CNBD1: variants seen among roughly 807,000 people sequenced by gnomAD.
CNBD1 encodes the protein cyclic nucleotide binding domain containing 1.
A neutral mutation model predicts 54.4 loss-of-function variants in CNBD1; 71 were observed. The ratio of observed to expected loss-of-function variants is 1.30; its 90% CI spans 1.08 to 1.59. The LOEUF is 1.59. CNBD1 is among the 40% of genes most tolerant of loss of function. CNBD1 has a pLI of 0.00. For missense variants in CNBD1, 659 were observed against 518.0 expected, an observed-to-expected ratio of 1.27 and a Z score of -2.64; for synonymous variants, 182 against 170.7, an observed-to-expected ratio of 1.07 and a Z score of -0.51.
At chr8:87,235,483 T>C (rs1445736464) in intron 5 of CNBD1, among the ~76,000 whole-genome samples, 2 of 152,104 alleles carry the variant, frequency 1.3e-5, no homozygotes, top group African/African-American at 4.8e-5. Context: ...TTTAACATTG[T>C]TGTGTTTCAG....
chr8:87,387,981 T>C (rs1461922238), intron 2 of CNBD1, among the ~76,000 whole-genome samples: 3 of 152,162 alleles, frequency 2.0e-5, no homozygotes, highest in Non-Finnish European at 4.4e-5. Flanking sequence ...ACATGGAAAC[T>C]GAACAACCTG....
At chr8:87,126,216 G>A (rs1811987191) in intron 4 of CNBD1, among the ~76,000 whole-genome samples, 1 of 151,836 alleles carries the variant, frequency 6.6e-6, no homozygotes, top group Admixed American at 6.6e-5. Context: ...TTCTCCTATG[G>A]CAAGTGTATG....
At chr8:87,313,165 C>G (rs1809305523) in intron 8 of CNBD1, among the ~76,000 whole-genome samples, 2 of 151,974 alleles carry the variant, frequency 1.3e-5, no homozygotes, top group African/African-American at 4.8e-5. Flanking sequence ...TGATATTGAA[C>G]TTGAAAAGGT....
At chr8:87,266,680 G>A (rs920417964) in intron 6 of CNBD1, among the ~76,000 whole-genome samples, 12 of 151,670 alleles carry the variant, frequency 7.9e-5, no homozygotes, top group South Asian at 6.2e-4. Flanking sequence ...TTGAACTTCC[G>A]ACCTCAGGTG....
At chr8:87,134,046 T>C (rs1812175265) in intron 4 of CNBD1, among the ~76,000 whole-genome samples, 1 of 152,182 alleles carries the variant, frequency 6.6e-6, no homozygotes, top group Non-Finnish European at 1.5e-5. Context: ...AGTGTTTGAA[T>C]TCGAAACATA....
At chr8:87,240,398 T>C (rs11990834) in intron 6 of CNBD1, among the ~76,000 whole-genome samples, 2,484 of 151,530 alleles carry the variant, frequency 0.016, 59 homozygotes, top group African/African-American at 0.053. Context: ...AAAATAGTAA[T>C]TTTTTTTTAC....
chr8:87,228,890 G>A (rs895083710), intron 5 of CNBD1, among the ~76,000 whole-genome samples: 9 of 152,180 alleles, frequency 5.9e-5, no homozygotes, highest in African/African-American at 2.2e-4. Context: ...AGCAATCAGC[G>A]AGACTCTGTG....
chr8:87,060,444 T>C (rs1352066541), intron 4 of CNBD1, among the ~76,000 whole-genome samples: 1 of 152,202 alleles, frequency 6.6e-6, no homozygotes, highest in East Asian at 1.9e-4. Flanking sequence ...TTAATTTTAT[T>C]ATAGGAGATA....
intron 4 of CNBD1, among the ~76,000 whole-genome samples, chr8:86,947,210 C>T (rs1807490109): frequency 1.3e-5 from 2 of 152,074 alleles, no homozygotes; most frequent in African/African-American, 4.8e-5. Flanking sequence ...ATCCACTGAA[C>T]ATTTAGTCTA....
chr8:87,308,805 C>A (rs1221881550), intron 8 of CNBD1, among the ~76,000 whole-genome samples: 1 of 152,108 alleles, frequency 6.6e-6, no homozygotes, highest in Non-Finnish European at 1.5e-5. Flanking sequence ...TGAGATCCAC[C>A]TTTTTAGCTC....
intron 2 of CNBD1, among the ~76,000 whole-genome samples, chr8:87,392,687 A>G (rs1274638631): frequency 6.6e-6 from 1 of 151,960 alleles, no homozygotes; most frequent in African/African-American, 2.4e-5. Context: ...ACTAAATCAT[A>G]TGTGTTTCTT....
intron 4 of CNBD1, among the ~76,000 whole-genome samples, chr8:86,982,860 G>A (rs1316510803): frequency 6.6e-6 from 1 of 151,930 alleles, no homozygotes; most frequent in African/African-American, 2.4e-5. Context: ...TGTAAAACTG[G>A]GATTAATTTT....
At chr8:86,952,042 G>T (rs919595049) in intron 4 of CNBD1, among the ~76,000 whole-genome samples, 5 of 152,136 alleles carry the variant, frequency 3.3e-5, no homozygotes, top group African/African-American at 9.7e-5. Context: ...GCTTCCTTTG[G>T]AAAGGAATCA....
intron 4 of CNBD1, among the ~76,000 whole-genome samples, chr8:87,202,423 A>C (rs1440767949): frequency 6.6e-6 from 1 of 152,212 alleles, no homozygotes; most frequent in Admixed American, 6.5e-5. Context: ...GAGAGAGAGA[A>C]CGTGGAGCAG....
At chr8:86,905,852 T>C (rs1362662374) in intron 3 of CNBD1, among the ~76,000 whole-genome samples, 3 of 152,146 alleles carry the variant, frequency 2.0e-5, no homozygotes, top group Non-Finnish European at 4.4e-5. Context: ...TAGAAAGGCA[T>C]TTTCACTTCC....
intron 8 of CNBD1, among the ~76,000 whole-genome samples, chr8:87,331,381 AG>A: frequency 6.6e-6 from 1 of 152,310 alleles, no homozygotes; most frequent in African/African-American, 2.4e-5. Flanking sequence ...GTCCCTGCAA[AG>A]GACATGATCT....
In CNBD1 at chr8:87,064,428, T is replaced by C. The variant is rs547395979; in HGVS notation, c.431+124674T>C. Among the ~76,000 whole-genome samples the C allele has an allele frequency of 2.4e-3, 362 of 152,120 alleles. 1 individual carries two copies. Among genetic ancestry groups the C allele is most frequent in the African/African-American group, 8.2e-3 (342 of 41,584 alleles). On this transcript the variant is annotated intron_variant, in intron 4 of 10. Transcript: ENST00000518476. ...CAAAGTATAATGCGAATTGATACTTTTATTTTCTTTCTGAGTAAGGAAGGG... is the reference window on the plus strand; with the variant it reads ...CAAAGTATAATGCGAATTGATACTTCTATTTTCTTTCTGAGTAAGGAAGGG...
At chr8:86,925,733 A>T (rs1468671750) in intron 3 of CNBD1, among the ~76,000 whole-genome samples, 1 of 5,194 alleles carries the variant, frequency 1.9e-4, no homozygotes, top group African/African-American at 3.8e-4. Flanking sequence ...AAAATACCAA[A>T]AAAAAAAAAA....
intron 5 of CNBD1, among the ~76,000 whole-genome samples, chr8:87,228,146 AT>A (rs1419223034): frequency 3.3e-5 from 5 of 150,042 alleles, no homozygotes; most frequent in Non-Finnish European, 7.4e-5. Flanking sequence ...ATTCTTCTAA[AT>A]TTTTTTCAAA....
Sources: gnomAD v4.1 joint callset for allele counts (sites outside exome capture counted in the v4.1 genomes callset) on GRCh38, gnomAD v4.1.1 for gene constraint, MANE v1.5 for transcripts, NCBI Gene and HGNC (gene_info 2026-07-23, HGNC 2026-07-21) for gene names.